Variants in PTPN14 observed in about 807,000 individuals in gnomAD.
The protein encoded by PTPN14 is protein tyrosine phosphatase non-receptor type 14, also known as tyrosine-protein phosphatase non-receptor type 14.
PTPN14 carries 53 observed loss-of-function variants against 126.8 expected under a neutral mutation model. That is an observed-to-expected ratio of 0.42 (90% confidence interval 0.34 to 0.53). The LOEUF is 0.53. Ranked by LOEUF, PTPN14 falls within the 20% of genes least tolerant of loss-of-function variation. The pLI, the probability that PTPN14 is intolerant of heterozygous loss-of-function variation, is 0.08. For missense variants in PTPN14, 1,257 were observed against 1,552.9 expected (o/e 0.81, Z 3.20); for synonymous variants, 630 against 599.3 (o/e 1.05, Z -0.75).
chr1:214,395,873 T>A (rs1318442742), intron 8 of PTPN14, among the ~76,000 whole-genome samples: 1 of 152,088 alleles, frequency 6.6e-6, no homozygotes, highest in Non-Finnish European at 1.5e-5. Flanking sequence ...ATTTTGAGAC[T>A]CAGCTCTGGG....
At position 214,364,806 on chromosome 1, in the gene PTPN14, T is replaced by TGTGTG. The variant is rs1553258555; in HGVS notation, c.3272-132_3272-131insCACAC. 1,967 of 857,678 alleles carry TGTGTG rather than the reference T, an allele frequency of 2.3e-3. No individual in the cohort carries two copies. The highest frequency in any genetic ancestry group is 2.8e-3 in the Non-Finnish European group (1,605 of 574,708). 53.1% of individuals were successfully genotyped at this position (857,678 alleles called of 1,614,324 possible). ...GTGTGTGTGTGTGTGTGTGTGTGTG[T>TGTGTG]TTTAAGTGACAATAATTTATAGTTC... On this transcript the variant is annotated intron_variant, in intron 17 of 18. Coordinates refer to ENST00000366956, the MANE Select transcript of PTPN14 (RefSeq NM_005401.5). This position sits in a 1 kb window ranked among gnomAD's most constrained non-coding sequence, Gnocchi z 4.1.
At chr1:214,373,289 G>A (rs538935482) in intron 15 of PTPN14, among the ~76,000 whole-genome samples, 1 of 152,046 alleles carries the variant, frequency 6.6e-6, no homozygotes, top group Non-Finnish European at 1.5e-5. Flanking sequence ...CCTGACTTCA[G>A]GTGATACGCC....
intron 3 of PTPN14, among the ~76,000 whole-genome samples, chr1:214,419,070 T>A (rs1176841706): frequency 6.6e-6 from 1 of 152,170 alleles, no homozygotes; most frequent in Non-Finnish European, 1.5e-5. Flanking sequence ...ACACAGGCGT[T>A]TACTTGTTTG....
At chr1:214,460,231 A>G (rs910314255) in intron 2 of PTPN14, among the ~76,000 whole-genome samples, 1 of 152,192 alleles carries the variant, frequency 6.6e-6, no homozygotes, top group Non-Finnish European at 1.5e-5. Context: ...TCAGCAGAGT[A>G]TATACAATCA....
intron 6 of PTPN14, 94 bp from the exon 7 acceptor site, chr1:214,401,866 G>T: frequency 1.9e-6 from 2 of 1,037,002 alleles, no homozygotes; most frequent in Non-Finnish European, 2.9e-6. Flanking sequence ...CTGTGGTTTA[G>T]CTCTAGTTTC....
chr1:214,433,924 A>G (rs1659848834), intron 3 of PTPN14, among the ~76,000 whole-genome samples: 1 of 49,796 alleles, frequency 2.0e-5, no homozygotes, highest in African/African-American at 7.1e-5. Context: ...CATTATTTCC[A>G]CACACACACA....
intron 3 of PTPN14, among the ~76,000 whole-genome samples, chr1:214,450,398 G>C (rs1660247659): frequency 6.6e-6 from 1 of 151,532 alleles, no homozygotes; most frequent in South Asian, 2.1e-4. Flanking sequence ...CTTGAACCTG[G>C]GAGGTGGAGG....
At chr1:214,538,551 A>T (rs1655763375) in intron 1 of PTPN14, among the ~76,000 whole-genome samples, 1 of 152,240 alleles carries the variant, frequency 6.6e-6, no homozygotes, top group South Asian at 2.1e-4. Flanking sequence ...ATAAGTAAAG[A>T]GGCCATGGTG....
chr1:214,500,977 A>G (rs1355418796), intron 1 of PTPN14, among the ~76,000 whole-genome samples: 1 of 152,220 alleles, frequency 6.6e-6, no homozygotes, highest in African/African-American at 2.4e-5. Context: ...AACACTAACA[A>G]TGAAAAGATT....
chr1:214,385,318 C>G (rs1333450383), intron 12 of PTPN14, among the ~76,000 whole-genome samples: 1 of 152,178 alleles, frequency 6.6e-6, no homozygotes, highest in Non-Finnish European at 1.5e-5. Flanking sequence ...GGTGTCCGCA[C>G]AGCTAGTTCA....
rs1452984581 is a variant in PTPN14 at position 214,350,706 on chromosome 1, AATTTTTT to A, written c.*7209_*7215del. On this transcript the variant is annotated 3_prime_UTR_variant, in exon 19 of 19. Coordinates refer to ENST00000366956, the MANE Select transcript of PTPN14 (RefSeq NM_005401.5). ...CAGGCATGTGCCACCATGCCTGGCT[AATTTTTT>A]TTTTTTTTTTTTTTTTTGTATTTTT... 7 of 49,448 alleles carry A rather than the reference AATTTTTT, an allele frequency of 1.4e-4. No individual in the cohort carries two copies. The highest frequency in any genetic ancestry group is 2.4e-4 in the Non-Finnish European group (7 of 28,820). 3.1% of individuals were successfully genotyped at this position (49,448 alleles called of 1,614,324 possible). A position where few individuals can be genotyped will look rare whatever the true frequency, so the allele number is the denominator to read the frequency against.
rs1007171906 is a variant in PTPN14, at chr1:214,384,531, T to C, written c.1324A>G (p.Thr442Ala). Residue 442 changes from threonine to alanine, a missense_variant, in exon 13 of 19, where the codon ACC becomes GCC. Thr to Ala is a moderately conservative substitution (Grantham distance 58). Transcript: ENST00000366956. This position sits in a 1 kb window ranked among gnomAD's most constrained non-coding sequence, Gnocchi z 5.3. ...CGCATGACTGTCTCATAATCGGGGG[T>C]TGGCCTGTACGAGGGCACGATGATC... The part of the protein sequence containing the change: ...SAIIVPSYRP[T>A]PDYETVMRQM... 1.9e-6 allele frequency: 3 copies of C among 1,613,908 alleles called. No individual in the cohort carries two copies. Among genetic ancestry groups the C allele is most frequent in the African/African-American group, 1.3e-5 (1 of 74,852 alleles).
chr1:214,510,883 G>C (rs539946720), intron 1 of PTPN14, among the ~76,000 whole-genome samples: 1 of 147,886 alleles, frequency 6.8e-6, no homozygotes, highest in African/African-American at 2.5e-5. Flanking sequence ...TTTTTGTTTT[G>C]TTTTTTTTTT....
intron 3 of PTPN14, among the ~76,000 whole-genome samples, chr1:214,440,788 C>G (rs751432107): frequency 6.6e-6 from 1 of 152,184 alleles, no homozygotes; most frequent in Non-Finnish European, 1.5e-5. Flanking sequence ...AGACAGGTCA[C>G]AAGAATGTGT....
At chr1:214,427,561 T>A (rs1311441949) in intron 3 of PTPN14, among the ~76,000 whole-genome samples, 1 of 152,142 alleles carries the variant, frequency 6.6e-6, no homozygotes, top group East Asian at 1.9e-4. Flanking sequence ...ACCTACTACA[T>A]GCCAGGAGTT....
At position 214,384,269 on chromosome 1, in the gene PTPN14, C is replaced by T. The variant is rs758976654; in HGVS notation, c.1586G>A (p.Gly529Glu). 2 of 1,614,130 alleles carry T rather than the reference C, an allele frequency of 1.2e-6. No individual in the cohort carries two copies. Among genetic ancestry groups the T allele is most frequent in the Non-Finnish European group, 8.5e-7 (1 of 1,180,040 alleles). The change falls in exon 13 of 19, where the codon GGG (glycine) becomes GAG (glutamate). Residue 529 changes from glycine to glutamate, a missense_variant. Coordinates refer to ENST00000366956, the MANE Select transcript of PTPN14 (RefSeq NM_005401.5). This position sits in a 1 kb window ranked among gnomAD's most constrained non-coding sequence, Gnocchi z 5.3. ...PKNNVVPSKP[G>E]ASAISHTVST... ...CACCGTGTGCGAGATGGCGCTTGCCCCCGGCTTGCTTGGTACCACATTATT... is the reference window on the plus strand; with the variant it reads ...CACCGTGTGCGAGATGGCGCTTGCCTCCGGCTTGCTTGGTACCACATTATT...
chr1:214,533,762 G>A (rs1223465999), intron 1 of PTPN14, among the ~76,000 whole-genome samples: 1 of 151,452 alleles, frequency 6.6e-6, no homozygotes, highest in African/African-American at 2.4e-5. Flanking sequence ...GCGTGAACCC[G>A]GGAGGCGGAG....
intron 1 of PTPN14, among the ~76,000 whole-genome samples, chr1:214,502,748 G>A (rs1654738511): frequency 6.6e-6 from 1 of 152,092 alleles, no homozygotes. Flanking sequence ...ATTTAGTTGT[G>A]TAAAAAAGTG....
Position 214,393,792 on chromosome 1 carries a change from G to C in PTPN14, c.847-15C>G. 1 of 1,547,696 alleles carries C rather than the reference G, an allele frequency of 6.5e-7. No individual in the cohort carries two copies. Reference sequence around the variant, plus strand: ...TCGATATCATCCTTGGAAAAGAAGAGACAGAGAAAAAAATAAACATTTGTT... The same window carrying C: ...TCGATATCATCCTTGGAAAAGAAGACACAGAGAAAAAAATAAACATTTGTT... On this transcript the variant is annotated splice_polypyrimidine_tract_variant and intron_variant, in intron 9 of 18. Transcript: ENST00000366956.
Sources: allele counts gnomAD v4.1 joint callset (sites outside exome capture counted in the v4.1 genomes callset), GRCh38; gene constraint gnomAD v4.1.1; non-coding constraint Gnocchi (gnomAD v3.1); transcripts MANE v1.5; gene names NCBI Gene and HGNC (gene_info 2026-07-23, HGNC 2026-07-21).